Variants in NAALADL2 observed in about 807,000 individuals in gnomAD.
NAALADL2 encodes the protein N-acetylated alpha-linked acidic dipeptidase like 2.
Under a neutral mutation model 87.2 loss-of-function variants are expected in NAALADL2, and 76 were observed. That is an observed-to-expected ratio of 0.87 (90% confidence interval 0.72 to 1.05). The LOEUF (loss-of-function observed/expected upper bound fraction) is 1.05, where lower values mean the gene tolerates loss of function less well. Ranked by LOEUF, NAALADL2 falls within the 50% of genes least tolerant of loss-of-function variation. The pLI is 0.00. For missense variants in NAALADL2, 1,089 were observed against 945.8 expected, an observed-to-expected ratio of 1.15 and a Z score of -1.99; for synonymous variants, 354 against 331.0, an observed-to-expected ratio of 1.07 and a Z score of -0.75.
At chr3:175,675,635 T>G (rs1330720790) in intron 11 of NAALADL2, 1 of 152,202 alleles carries the variant, frequency 6.6e-6, no homozygotes, top group African/African-American at 2.4e-5. Context: ...TTTTGCATTT[T>G]CATCTCTAGC....
intron 3 of NAALADL2, among the ~76,000 whole-genome samples, chr3:174,761,381 T>G (rs1362068027): frequency 6.6e-6 from 1 of 152,148 alleles, no homozygotes; most frequent in African/African-American, 2.4e-5. Context: ...AATAAAGTCT[T>G]AAGTGTAAAA....
At chr3:174,487,157 C>A (rs746269928) in intron 1 of NAALADL2, among the ~76,000 whole-genome samples, 10 of 151,880 alleles carry the variant, frequency 6.6e-5, no homozygotes, top group Non-Finnish European at 1.5e-5. Context: ...TAGTACCAAC[C>A]CAAAGGAGAA....
chr3:175,414,615 G>A (rs1018345102), intron 5 of NAALADL2, among the ~76,000 whole-genome samples: 2 of 152,182 alleles, frequency 1.3e-5, no homozygotes, highest in Non-Finnish European at 2.9e-5. Context: ...AGGTTAAAAT[G>A]TTAGTGCCAG....
At chr3:174,845,256 G>A (rs1348945286) in intron 3 of NAALADL2, among the ~76,000 whole-genome samples, 1 of 152,136 alleles carries the variant, frequency 6.6e-6, no homozygotes, top group Non-Finnish European at 1.5e-5. Flanking sequence ...AGGCAAATGA[G>A]AGCCTGGCAG....
intron 5 of NAALADL2, among the ~76,000 whole-genome samples, chr3:175,349,209 A>T (rs76298592): frequency 1.4e-4 from 21 of 148,696 alleles, no homozygotes; most frequent in African/African-American, 5.1e-4. Context: ...ACTGCTATTA[A>T]AAAAAAAAAA....
chr3:174,803,415 T>C (rs1719070255), intron 3 of NAALADL2, among the ~76,000 whole-genome samples: 1 of 152,142 alleles, frequency 6.6e-6, no homozygotes, highest in Non-Finnish European at 1.5e-5. Flanking sequence ...TTTTCTCCCA[T>C]TCTGTAGGTT....
chr3:174,773,590 TA>T (rs1028945717), intron 3 of NAALADL2, among the ~76,000 whole-genome samples: 3 of 152,174 alleles, frequency 2.0e-5, no homozygotes, highest in Non-Finnish European at 4.4e-5. Flanking sequence ...AAGATATACT[TA>T]AATTTTTATG....
chr3:175,739,111 A>C (rs565295622), intron 12 of NAALADL2, among the ~76,000 whole-genome samples: 1 of 151,764 alleles, frequency 6.6e-6, no homozygotes, highest in Non-Finnish European at 1.5e-5. Flanking sequence ...GCATGAAAAG[A>C]AGCCCCAAAG....
chr3:174,767,528 T>C (rs192910781), intron 3 of NAALADL2, among the ~76,000 whole-genome samples: 2 of 152,282 alleles, frequency 1.3e-5, no homozygotes, highest in East Asian at 1.9e-4. Flanking sequence ...GTCTACTAGA[T>C]AGGCTCTTGC....
intron 1 of NAALADL2, among the ~76,000 whole-genome samples, chr3:174,466,697 G>A (rs576434651): frequency 2.0e-5 from 3 of 152,124 alleles, no homozygotes; most frequent in Non-Finnish European, 4.4e-5. Context: ...TGAATTGTAG[G>A]AAATGATAGT....
chr3:174,490,315 G>A (rs936075572), intron 1 of NAALADL2, among the ~76,000 whole-genome samples: 3 of 152,078 alleles, frequency 2.0e-5, no homozygotes, highest in African/African-American at 7.2e-5. Flanking sequence ...ATTACATGTT[G>A]TGTGATTTCC....
chr3:174,689,069 T>C (rs1012463264), intron 2 of NAALADL2, among the ~76,000 whole-genome samples: 2 of 152,058 alleles, frequency 1.3e-5, no homozygotes, highest in Non-Finnish European at 2.9e-5. Flanking sequence ...ATGAGAACTC[T>C]TTATATATGG....
intron 1 of NAALADL2, among the ~76,000 whole-genome samples, chr3:175,095,100 C>T (rs998638295): frequency 1.3e-5 from 2 of 151,970 alleles, no homozygotes; most frequent in Non-Finnish European, 2.9e-5. Flanking sequence ...GGCCCATGTG[C>T]GCTATCCTCA....
At chr3:174,805,986 C>G (rs1448558012) in intron 3 of NAALADL2, among the ~76,000 whole-genome samples, 1 of 152,090 alleles carries the variant, frequency 6.6e-6, no homozygotes, top group Non-Finnish European at 1.5e-5. Flanking sequence ...AGTGTGTTTT[C>G]TGCCTCCGTA....
At chr3:175,361,254 T>C (rs1764979103) in intron 5 of NAALADL2, among the ~76,000 whole-genome samples, 2 of 151,194 alleles carry the variant, frequency 1.3e-5, no homozygotes, top group South Asian at 4.2e-4. Flanking sequence ...ATTTTCTTAA[T>C]CCAGTCTATC....
chr3:175,707,071 A>G (rs957570620), intron 11 of NAALADL2, among the ~76,000 whole-genome samples: 1 of 152,136 alleles, frequency 6.6e-6, no homozygotes, highest in African/African-American at 2.4e-5. Flanking sequence ...TGTCACTTAG[A>G]TTAAGAAGTC....
chr3:175,043,509 T>G (rs2108982238), intron 1 of NAALADL2, among the ~76,000 whole-genome samples: 1 of 152,298 alleles, frequency 6.6e-6, no homozygotes, highest in South Asian at 2.1e-4. Context: ...AGTGCTGGCG[T>G]TACAGGTGTG....
intron 1 of NAALADL2, among the ~76,000 whole-genome samples, chr3:174,974,914 C>CT (rs1024122090): frequency 7.9e-5 from 12 of 151,734 alleles, no homozygotes; most frequent in Non-Finnish European, 1.3e-4. Context: ...TAGTTTTTTG[C>CT]TTTTTTTAAA....
chr3:174,796,928 A>G (rs1407203698), intron 3 of NAALADL2, among the ~76,000 whole-genome samples: 2 of 151,610 alleles, frequency 1.3e-5, no homozygotes, highest in African/African-American at 2.4e-5. Context: ...TCTGTTGATT[A>G]TTTGTTTTGC....
Sources: allele counts gnomAD v4.1 joint callset (sites outside exome capture counted in the v4.1 genomes callset), GRCh38; gene constraint gnomAD v4.1.1; transcripts MANE v1.5; gene names NCBI Gene and HGNC (gene_info 2026-07-23, HGNC 2026-07-21).